FAM219A: variants seen among roughly 807,000 people sequenced by gnomAD.
FAM219A encodes family with sequence similarity 219 member A.
Under a neutral mutation model 23.4 loss-of-function variants are expected in FAM219A, and 7 were observed. The ratio of observed to expected loss-of-function variants is 0.30; its 90% CI spans 0.17 to 0.56. The LOEUF is 0.56. Among genes scored for constraint, FAM219A ranks in the 20% least tolerant of loss-of-function variants. The pLI, the probability that FAM219A is intolerant of heterozygous loss-of-function variation, is 0.92. For missense variants in FAM219A, 166 were observed against 246.9 expected (o/e 0.67, Z 2.20); for synonymous variants, 93 against 99.0 (o/e 0.94, Z 0.36).
At chr9:34,411,721 C>T (rs575429388) in intron 1 of FAM219A, among the ~76,000 whole-genome samples, 6 of 151,706 alleles carry the variant, frequency 4.0e-5, no homozygotes, top group African/African-American at 1.4e-4. Context: ...GAAAACAGTC[C>T]CATCTTTAAG....
At chr9:34,452,528 C>T (rs1219078631) in intron 1 of FAM219A, among the ~76,000 whole-genome samples, 1 of 152,196 alleles carries the variant, frequency 6.6e-6, no homozygotes, top group Non-Finnish European at 1.5e-5. Context: ...GTGTATCTGT[C>T]CCATCGTGTT....
intron 1 of FAM219A, among the ~76,000 whole-genome samples, chr9:34,421,013 A>T (rs1428870733): frequency 6.6e-5 from 9 of 136,548 alleles, no homozygotes; most frequent in Non-Finnish European, 8.1e-5. Context: ...TGTGTGTGAG[A>T]GAGAGAGAGA....
chr9:34,408,082 C>A (rs1360985091), intron 1 of FAM219A, among the ~76,000 whole-genome samples: 1 of 152,216 alleles, frequency 6.6e-6, no homozygotes, highest in Non-Finnish European at 1.5e-5. Flanking sequence ...AGGGCAAAAC[C>A]TGTGCCTCCC....
At position 34,437,360 on chromosome 9, in the gene FAM219A, T is replaced by TA. The variant is rs534772034; in HGVS notation, c.60+20843dup. 1.2e-4 allele frequency among the ~76,000 whole-genome samples: 19 copies of TA among 152,306 alleles called. 1 individual carries two copies. The highest frequency in any genetic ancestry group is 3.4e-3 in the Middle Eastern group (1 of 294). The stretch of plus-strand genomic sequence containing the variant: ...ATGGGGTGAGAGACCCTGAGACATA[T>TA]ATACCCTGGAACCCTGGGGAGTCCT... On this transcript the variant is annotated intron_variant, in intron 1 of 5. Coordinates refer to ENST00000651358, the MANE Select transcript of FAM219A (RefSeq NM_001184940.2).
chr9:34,406,920 A>G (rs936935139), intron 1 of FAM219A, among the ~76,000 whole-genome samples: 36 of 151,142 alleles, frequency 2.4e-4, no homozygotes, highest in African/African-American at 8.3e-4. Context: ...CTCCTGCCTC[A>G]GCCTCTTGAG....
At chr9:34,402,951 G>T in intron 2 of FAM219A, 144 bp from the exon 3 acceptor site, 1 of 672,094 alleles carries the variant, frequency 1.5e-6, no homozygotes, top group Non-Finnish European at 2.5e-6. Flanking sequence ...CCAGGCCCCT[G>T]CTGCTTGGTG....
rs899247158 is a variant in FAM219A, at chr9:34,398,770, T to G, written c.*2194A>C. 6 of 130,676 alleles carry G rather than the reference T, an allele frequency of 4.6e-5. No individual in the cohort carries two copies. The highest frequency in any genetic ancestry group is 4.0e-4 in the South Asian group (2 of 5,058). The allele number at this position is 130,676 out of a possible 1,614,324, so 8.1% of individuals were successfully genotyped here. A position where few individuals can be genotyped will look rare whatever the true frequency, so the allele number is the denominator to read the frequency against. ...GTGGTGGTAGTGGGAGGGCTGGCTC[T>G]GGGGTCCAGATGATGGGGGCACAGG... On this transcript the variant is annotated 3_prime_UTR_variant, in exon 6 of 6. Coordinates refer to ENST00000651358, the MANE Select transcript of FAM219A (RefSeq NM_001184940.2).
intron 2 of FAM219A, among the ~76,000 whole-genome samples, chr9:34,405,143 A>G (rs1427877614): frequency 6.6e-6 from 1 of 152,222 alleles, no homozygotes; most frequent in Non-Finnish European, 1.5e-5. Context: ...CAAAGTTTTC[A>G]TAAAAGTGTG....
At chr9:34,422,958 G>A (rs1348061425) in intron 1 of FAM219A, among the ~76,000 whole-genome samples, 1 of 152,156 alleles carries the variant, frequency 6.6e-6, no homozygotes. Context: ...TTGAGCCCAG[G>A]AGTTTGAGAC....
At position 34,398,332 on chromosome 9, in the gene FAM219A, C is replaced by A; in HGVS notation, c.*2632G>T. 1 of 1,550,762 alleles carries A rather than the reference C, an allele frequency of 6.4e-7. No individual in the cohort carries two copies. Among genetic ancestry groups the A allele is most frequent in the Non-Finnish European group, 8.7e-7 (1 of 1,147,036 alleles). On this transcript the variant is annotated 3_prime_UTR_variant, in exon 6 of 6. Coordinates refer to ENST00000651358, the MANE Select transcript of FAM219A (RefSeq NM_001184940.2). ...CTTCCTGGAAATAAATTAGTGAGCACGGAGAAACCTGGCTGGGTGGCAGCC... is the reference window on the plus strand; with the variant it reads ...CTTCCTGGAAATAAATTAGTGAGCAAGGAGAAACCTGGCTGGGTGGCAGCC...
intron 1 of FAM219A, among the ~76,000 whole-genome samples, chr9:34,414,984 C>T (rs147825877): frequency 6.6e-6 from 1 of 152,186 alleles, no homozygotes. Flanking sequence ...CAGGGTCTCA[C>T]TCTGTCATCC....
chr9:34,405,901 T>C lies in FAM219A; in HGVS notation c.124A>G (p.Met42Val). 1 of 1,613,974 alleles carries C rather than the reference T, an allele frequency of 6.2e-7. No individual in the cohort carries two copies. The highest frequency in any genetic ancestry group is 1.1e-5 in the South Asian group (1 of 91,072). Residue 42 changes from methionine to valine, a missense_variant, in exon 2 of 6, where the codon ATG becomes GTG. By Grantham distance (21) the Met-to-Val change is conservative. Transcript: ENST00000651358. Reference protein sequence around the residue: ...CDAREGESVAMNYKPSPLQVK... With the variant: ...CDAREGESVAVNYKPSPLQVK... ...TGGAGCGGGGATGGTTTGTAATTCA[T>C]GGCTACTGACTCACCCTCCCGGGCG...
intron 1 of FAM219A, among the ~76,000 whole-genome samples, chr9:34,422,859 G>A (rs956981328): frequency 1.3e-5 from 2 of 152,132 alleles, no homozygotes; most frequent in Admixed American, 6.5e-5. Context: ...ACTGTGCTGG[G>A]TTCTGGACAT....
chr9:34,456,662 T>G (rs1823741223), intron 1 of FAM219A, among the ~76,000 whole-genome samples: 1 of 152,212 alleles, frequency 6.6e-6, no homozygotes, highest in Admixed American at 6.5e-5. Flanking sequence ...CCCAAAGTCC[T>G]TCTTTAAGTT....
At chr9:34,405,790 G>T in intron 2 of FAM219A, 75 bp downstream of exon 2, 1 of 1,402,358 alleles carries the variant, frequency 7.1e-7, no homozygotes, top group Admixed American at 1.9e-5. Context: ...GTTTATTTGT[G>T]GCACCTCATT....
intron 1 of FAM219A, among the ~76,000 whole-genome samples, chr9:34,435,836 C>T (rs1404618480): frequency 6.6e-6 from 1 of 151,662 alleles, no homozygotes; most frequent in African/African-American, 2.4e-5. Flanking sequence ...GATGGAGTCT[C>T]ACTGTATCAC....
intron 1 of FAM219A, among the ~76,000 whole-genome samples, chr9:34,428,546 C>T (rs1822571745): frequency 6.6e-6 from 1 of 152,192 alleles, no homozygotes; most frequent in African/African-American, 2.4e-5. Context: ...CCAGCTGTGC[C>T]CTCCCCTGAG....
At chr9:34,421,044 G>GAGAC (rs770336544) in intron 1 of FAM219A, among the ~76,000 whole-genome samples, 42 of 146,968 alleles carry the variant, frequency 2.9e-4, no homozygotes, top group East Asian at 1.6e-3. Flanking sequence ...GAGAGAGAGA[G>GAGAC]AATGGCTCTG....
At chr9:34,425,737 G>A (rs1465026908) in intron 1 of FAM219A, among the ~76,000 whole-genome samples, 1 of 152,156 alleles carries the variant, frequency 6.6e-6, no homozygotes, top group East Asian at 1.9e-4. Context: ...AGGACTGGCA[G>A]CCTCAATGAG....
Sources: gnomAD v4.1 joint callset for allele counts (sites outside exome capture counted in the v4.1 genomes callset) on GRCh38, gnomAD v4.1.1 for gene constraint, MANE v1.5 for transcripts, NCBI Gene and HGNC (gene_info 2026-07-23, HGNC 2026-07-21) for gene names.